The following PRKN variants were observed in gnomAD, a reference collection of about 807,000 sequenced individuals.
PRKN encodes the protein E3 ubiquitin-protein ligase parkin.
A neutral mutation model predicts 59.5 loss-of-function variants in PRKN; 56 were observed. That is an observed-to-expected ratio of 0.94 (90% CI 0.76 to 1.18). The LOEUF is 1.18. Among genes scored for constraint, PRKN ranks in the 50% most tolerant of loss-of-function variants. The pLI is 0.00. For synonymous variants in PRKN, 250 were observed against 222.1 expected, an observed-to-expected ratio of 1.13 and a Z score of -1.12; for missense variants, 657 against 596.4, an observed-to-expected ratio of 1.10 and a Z score of -1.06.
intron 1 of PRKN, among the ~76,000 whole-genome samples, chr6:162,583,361 TGACCAGCTAG>T (rs1457104498): frequency 6.6e-6 from 1 of 152,214 alleles, no homozygotes; most frequent in African/African-American, 2.4e-5. Flanking sequence ...GCTTCTGAAG[TGACCAGCTAG>T]GACAGAAACA....
chr6:162,267,180 C>G (rs1431570665), intron 2 of PRKN: 1 of 152,188 alleles, frequency 6.6e-6, no homozygotes, highest in Non-Finnish European at 1.5e-5. Context: ...TCAGTAGTTA[C>G]AGTGATACTT....
intron 9 of PRKN, among the ~76,000 whole-genome samples, chr6:161,478,510 C>T (rs1791233431): frequency 6.9e-6 from 1 of 144,222 alleles, no homozygotes; most frequent in East Asian, 2.0e-4. Flanking sequence ...TTTCATTTAA[C>T]TCTCAAAATA....
chr6:162,173,135 G>A (rs551480215), intron 4 of PRKN, among the ~76,000 whole-genome samples: 2 of 152,298 alleles, frequency 1.3e-5, no homozygotes, highest in East Asian at 3.9e-4. Context: ...GATCAAAACA[G>A]GACATTGGCC....
intron 4 of PRKN, among the ~76,000 whole-genome samples, chr6:162,167,231 G>A (rs1482763116): frequency 2.0e-5 from 3 of 152,146 alleles, no homozygotes; most frequent in East Asian, 3.8e-4. Context: ...TATCTGTTGC[G>A]ATAGAGGTAA....
intron 7 of PRKN, among the ~76,000 whole-genome samples, chr6:161,757,172 G>A (rs572711817): frequency 6.6e-6 from 1 of 152,220 alleles, no homozygotes; most frequent in South Asian, 2.1e-4. Context: ...ATTTTGTTAG[G>A]CAAAGATTTC....
chr6:161,814,286 A>G (rs964935456), intron 6 of PRKN, among the ~76,000 whole-genome samples: 1 of 152,206 alleles, frequency 6.6e-6, no homozygotes, highest in Middle Eastern at 3.2e-3. Flanking sequence ...AGACTGACAT[A>G]ACGGTGCCAC....
At chr6:162,547,740 T>C (rs535913989) in intron 1 of PRKN, among the ~76,000 whole-genome samples, 1 of 151,338 alleles carries the variant, frequency 6.6e-6, no homozygotes, top group African/African-American at 2.4e-5. Context: ...ACCACCACAA[T>C]GGGCTAATTT....
chr6:162,574,274 G>A (rs916250613), intron 1 of PRKN, among the ~76,000 whole-genome samples: 13 of 152,136 alleles, frequency 8.5e-5, no homozygotes, highest in African/African-American at 3.1e-4. Flanking sequence ...AGTATATCTG[G>A]AGAAAAACGG....
chr6:161,716,019 G>A, intron 7 of PRKN: 2 of 948,766 alleles, frequency 2.1e-6, no homozygotes, highest in Non-Finnish European at 3.0e-6. Flanking sequence ...AGCTCTTCTG[G>A]GGAATTGGAT....
chr6:162,584,643 C>T (rs1035307422), intron 1 of PRKN, among the ~76,000 whole-genome samples: 11 of 152,052 alleles, frequency 7.2e-5, no homozygotes, highest in African/African-American at 2.7e-4. Flanking sequence ...AAAAGCCAGC[C>T]ATACAATGAA....
At chr6:162,552,310 A>G (rs1347593970) in intron 1 of PRKN, among the ~76,000 whole-genome samples, 1 of 152,134 alleles carries the variant, frequency 6.6e-6, no homozygotes, top group African/African-American at 2.4e-5. Context: ...TTTAGCAGGA[A>G]AGTGAAGGGA....
At chr6:162,343,518 G>T (rs1054930425) in intron 2 of PRKN, among the ~76,000 whole-genome samples, 2 of 152,194 alleles carry the variant, frequency 1.3e-5, no homozygotes, top group African/African-American at 4.8e-5. Flanking sequence ...AAGTATAATG[G>T]TAGACTACAT....
intron 2 of PRKN, among the ~76,000 whole-genome samples, chr6:162,277,101 T>G (rs1461235165): frequency 6.6e-6 from 1 of 152,028 alleles, no homozygotes; most frequent in Non-Finnish European, 1.5e-5. Context: ...GCACAGACAA[T>G]CATATTTTTG....
chr6:162,193,160 A>G (rs1784354589), intron 4 of PRKN, among the ~76,000 whole-genome samples: 1 of 152,120 alleles, frequency 6.6e-6, no homozygotes, highest in African/African-American at 2.4e-5. Flanking sequence ...ACCAACATTG[A>G]CCCACATTTC....
intron 4 of PRKN, among the ~76,000 whole-genome samples, chr6:162,178,094 T>C (rs887619117): frequency 1.7e-4 from 26 of 152,220 alleles, no homozygotes; most frequent in Admixed American, 2.6e-4. Flanking sequence ...TCTGAGTCTC[T>C]TTAGCCAGAA....
chr6:161,877,577 G>A (rs1048480121), intron 6 of PRKN, among the ~76,000 whole-genome samples: 10 of 150,722 alleles, frequency 6.6e-5, no homozygotes, highest in Admixed American at 2.7e-4. Context: ...CTCCTGCCTC[G>A]GCCTCTTGAG....
intron 6 of PRKN, among the ~76,000 whole-genome samples, chr6:161,948,794 A>T (rs1475581975): frequency 5.3e-5 from 8 of 152,092 alleles, no homozygotes; most frequent in Non-Finnish European, 1.0e-4. Flanking sequence ...CGTGTCAGTA[A>T]GGGCACATCT....
At chr6:161,953,408 C>A (rs772112184) in intron 6 of PRKN, among the ~76,000 whole-genome samples, 3 of 152,116 alleles carry the variant, frequency 2.0e-5, no homozygotes, top group African/African-American at 4.8e-5. Flanking sequence ...CTGTGCCTGG[C>A]CCAAATTTAT....
At chr6:162,024,739 C>T (rs954130410) in intron 5 of PRKN, among the ~76,000 whole-genome samples, 3 of 152,056 alleles carry the variant, frequency 2.0e-5, no homozygotes, top group South Asian at 2.1e-4. Context: ...GACCTTGGTG[C>T]AGTCCCAAAC....
Sources: gnomAD v4.1 joint callset for allele counts (sites outside exome capture counted in the v4.1 genomes callset) on GRCh38, gnomAD v4.1.1 for gene constraint, MANE v1.5 for transcripts, NCBI Gene and HGNC (gene_info 2026-07-23, HGNC 2026-07-21) for gene names.